DKK4: variants seen among roughly 807,000 people sequenced by gnomAD.
The protein encoded by DKK4 is dickkopf-related protein 4.
A neutral mutation model predicts 14.5 loss-of-function variants in DKK4; 15 were observed. The ratio of observed to expected loss-of-function variants is 1.03; its 90% CI spans 0.69 to 1.59. The LOEUF (loss-of-function observed/expected upper bound fraction) is 1.59, where lower values mean the gene tolerates loss of function less well. DKK4 is among the 40% of genes most tolerant of loss of function. The pLI is 0.00. For synonymous variants in DKK4, 89 were observed against 105.2 expected (o/e 0.85, Z 0.94); for missense variants, 272 against 280.3 (o/e 0.97, Z 0.21).
At chr8:42,390,349 T>C in the DKK4 span, among the ~76,000 whole-genome samples, 2 of 148,398 alleles carry the variant, frequency 1.3e-5, no homozygotes, top group Admixed American at 1.3e-4. Context: ...GTGCCATATC[T>C]TTTGCTTCCT....
At chr8:42,383,124 T>G in the DKK4 span, among the ~76,000 whole-genome samples, 44 of 152,192 alleles carry the variant, frequency 2.9e-4, no homozygotes, top group Non-Finnish European at 5.9e-5. Flanking sequence ...AAATAAAAGA[T>G]GAGAAGGGGC....
chr8:42,382,782 TACTG>T, the DKK4 span, among the ~76,000 whole-genome samples: 49 of 152,286 alleles, frequency 3.2e-4, no homozygotes, highest in East Asian at 2.3e-3. Context: ...AATCGAGTAA[TACTG>T]ACTAAGCTTA....
At chr8:42,375,007 C>T in intron 2 of DKK4, 94 bp from the exon 3 acceptor site, 1 of 1,260,530 alleles carries the variant, frequency 7.9e-7, no homozygotes, top group Non-Finnish European at 1.1e-6. Flanking sequence ...TTTGGCAGCA[C>T]CTCTGCCTTC....
At chr8:42,379,378 T>TATATATAGAGAGAG (rs1166847600), upstream of DKK4, among the ~76,000 whole-genome samples, 1 of 34,556 alleles carries the variant, frequency 2.9e-5, no homozygotes. Context: ...TATATATATA[T>TATATATAGAGAGAG]AGAGAGAGAG....
chr8:42,382,884 G>A, the DKK4 span, among the ~76,000 whole-genome samples: 1 of 152,196 alleles, frequency 6.6e-6, no homozygotes, highest in Admixed American at 6.5e-5. Context: ...GCAGACTCGT[G>A]TTTGAGACCT....
At chr8:42,390,853 T>A in the DKK4 span, among the ~76,000 whole-genome samples, 1 of 152,182 alleles carries the variant, frequency 6.6e-6, no homozygotes, top group African/African-American at 2.4e-5. Context: ...TGTCAGTCCC[T>A]ACCATCCCCC....
upstream of DKK4, among the ~76,000 whole-genome samples, chr8:42,378,447 T>C (rs1824601962): frequency 6.6e-6 from 1 of 152,176 alleles, no homozygotes; most frequent in Non-Finnish European, 1.5e-5. Flanking sequence ...GCCCTTGTCC[T>C]TGGGTTGGTA....
the DKK4 span, among the ~76,000 whole-genome samples, chr8:42,383,720 A>G: frequency 6.6e-6 from 1 of 152,244 alleles, no homozygotes; most frequent in African/African-American, 2.4e-5. Flanking sequence ...AGGCAGGCAG[A>G]TCACTGGAGG....
At chr8:42,386,561 G>A in the DKK4 span, among the ~76,000 whole-genome samples, 1 of 151,876 alleles carries the variant, frequency 6.6e-6, no homozygotes, top group Non-Finnish European at 1.5e-5. Flanking sequence ...GCGCCATCTC[G>A]GCTCACTGTA....
At chr8:42,386,015 A>G in the DKK4 span, among the ~76,000 whole-genome samples, 2 of 152,222 alleles carry the variant, frequency 1.3e-5, no homozygotes, top group Non-Finnish European at 2.9e-5. Context: ...TAATGCCTAC[A>G]TCTGCTCATG....
chr8:42,380,171 A>G (rs796757484), upstream of DKK4, among the ~76,000 whole-genome samples: 16 of 152,270 alleles, frequency 1.1e-4, no homozygotes, highest in African/African-American at 3.9e-4. Context: ...CATCTCTACG[A>G]AAAATACAAA....
intron 1 of DKK4, 100 bp from the exon 2 acceptor site, chr8:42,375,930 G>C (rs10096210): frequency 1.4e-6 from 2 of 1,452,080 alleles, no homozygotes; most frequent in East Asian, 4.9e-5. Flanking sequence ...AAAGGACAGT[G>C]GCGCTGTGAC....
upstream of DKK4, among the ~76,000 whole-genome samples, chr8:42,379,370 TATATATATAGAGAGAGAG>T (rs1426397429): frequency 2.1e-3 from 108 of 50,910 alleles, 1 homozygote; most frequent in African/African-American, 8.3e-3. Flanking sequence ...TATATATATA[TATATATATAGAGAGAGAG>T]AGAGAGAGAG....
chr8:42,384,042 G>A, the DKK4 span, among the ~76,000 whole-genome samples: 1 of 152,262 alleles, frequency 6.6e-6, no homozygotes, highest in South Asian at 2.1e-4. Context: ...GCACTATCCC[G>A]CTTTCCTTCC....
At chr8:42,374,396 A>G (rs781758460) in intron 3 of DKK4, 37 bp from the exon 4 acceptor site, 6 of 1,608,684 alleles carry the variant, frequency 3.7e-6, no homozygotes, top group Non-Finnish European at 5.1e-6. Context: ...GTGATAAATA[A>G]GGAAAGTGGC....
In DKK4 at chr8:42,375,584, G is replaced by T; in HGVS notation, c.262+96C>A. 2 of 1,410,100 alleles carry T rather than the reference G, an allele frequency of 1.4e-6. 1 individual carries two copies. Among genetic ancestry groups the T allele is most frequent in the Non-Finnish European group, 1.9e-6 (2 of 1,034,718 alleles). The allele number at this position is 1,410,100 out of a possible 1,614,324, so 87.3% of individuals were successfully genotyped here. On this transcript the variant is annotated intron_variant, in intron 2 of 3. Transcript: ENST00000220812. ...TTTACTTCAAGCATGAATCTAGGAA[G>T]CACCATTAGAGAGTGCCTACCCTGG...
the DKK4 span, among the ~76,000 whole-genome samples, chr8:42,387,412 C>G: frequency 8.3e-6 from 1 of 120,806 alleles, no homozygotes; most frequent in Non-Finnish European, 1.6e-5. Flanking sequence ...GGCTGGAGTG[C>G]AATGGCACGA....
chr8:42,379,424 GAGAA>G (rs756093625), upstream of DKK4, among the ~76,000 whole-genome samples: 63 of 115,050 alleles, frequency 5.5e-4, no homozygotes, highest in Non-Finnish European at 8.5e-4. Flanking sequence ...GAGAGAGAGA[GAGAA>G]AGATTCAGAC....
At chr8:42,379,351 C>A (rs1178351989), upstream of DKK4, among the ~76,000 whole-genome samples, 4 of 8,766 alleles carry the variant, frequency 4.6e-4, no homozygotes, top group Non-Finnish European at 1.1e-3. Flanking sequence ...GAGATTAAGC[C>A]TATATATATA....
Sources: gnomAD v4.1 joint callset for allele counts (sites outside exome capture counted in the v4.1 genomes callset) on GRCh38, gnomAD v4.1.1 for gene constraint, MANE v1.5 for transcripts, NCBI Gene and HGNC (gene_info 2026-07-23, HGNC 2026-07-21) for gene names.